The following CFAP299 variants were observed in gnomAD, a reference collection of about 807,000 sequenced individuals.
CFAP299 encodes cilia and flagella associated protein 299.
Under a neutral mutation model 27.0 loss-of-function variants are expected in CFAP299, and 21 were observed. That is an observed-to-expected ratio of 0.78 (90% confidence interval 0.55 to 1.12). The LOEUF (loss-of-function observed/expected upper bound fraction) is 1.12, where lower values mean the gene tolerates loss of function less well. CFAP299 is among the 50% of genes most tolerant of loss of function. The pLI is 0.00. For synonymous variants in CFAP299, 104 were observed against 98.1 expected (o/e 1.06, Z -0.36); for missense variants, 310 against 276.6 (o/e 1.12, Z -0.86).
chr4:80,721,494 G>A (rs143104311), intron 3 of CFAP299, among the ~76,000 whole-genome samples: 19 of 151,996 alleles, frequency 1.3e-4, no homozygotes, highest in African/African-American at 4.6e-4. Context: ...TCTTATAAGG[G>A]CACCAGTTAT....
intron 2 of CFAP299, among the ~76,000 whole-genome samples, chr4:80,379,908 A>G (rs1401267473): frequency 6.6e-6 from 1 of 152,102 alleles, no homozygotes; most frequent in Non-Finnish European, 1.5e-5. Context: ...TAAAAATAGC[A>G]ATTAAGCCAA....
intron 3 of CFAP299, among the ~76,000 whole-genome samples, chr4:80,674,315 A>C (rs11725549): frequency 0.069 from 10,508 of 152,184 alleles, 810 homozygotes; most frequent in African/African-American, 0.18. Context: ...TTCTGGGTTG[A>C]AAATTCTTTT....
At chr4:80,357,180 G>A (rs537568411) in intron 1 of CFAP299, among the ~76,000 whole-genome samples, 1 of 152,300 alleles carries the variant, frequency 6.6e-6, no homozygotes, top group African/African-American at 2.4e-5. Flanking sequence ...GCGTCCCAAG[G>A]ATGAAGCCAA....
At chr4:80,424,302 A>G (rs1327513447) in intron 2 of CFAP299, among the ~76,000 whole-genome samples, 2 of 152,224 alleles carry the variant, frequency 1.3e-5, no homozygotes, top group Non-Finnish European at 2.9e-5. Context: ...CATTCTAGGA[A>G]TGGAGTGATT....
At chr4:80,894,413 G>C (rs1734509245) in intron 4 of CFAP299, among the ~76,000 whole-genome samples, 1 of 151,956 alleles carries the variant, frequency 6.6e-6, no homozygotes, top group Admixed American at 6.6e-5. Flanking sequence ...TAATTTGTGT[G>C]TTTATTTTAT....
chr4:80,785,773 A>AT (rs933837970), intron 3 of CFAP299, among the ~76,000 whole-genome samples: 1 of 152,020 alleles, frequency 6.6e-6, no homozygotes, highest in Non-Finnish European at 1.5e-5. Context: ...CTGAATGGAT[A>AT]TTTTTTTCCC....
At chr4:80,918,210 A>G (rs1735857264) in intron 4 of CFAP299, among the ~76,000 whole-genome samples, 1 of 152,280 alleles carries the variant, frequency 6.6e-6, no homozygotes, top group South Asian at 2.1e-4. Context: ...GATTCAGTGG[A>G]TTTCACAACA....
intron 3 of CFAP299, among the ~76,000 whole-genome samples, chr4:80,744,933 C>T (rs1257404579): frequency 6.6e-6 from 1 of 152,072 alleles, no homozygotes. Flanking sequence ...GTACAAGGTC[C>T]ATACTCATGT....
At chr4:80,594,661 A>T (rs1248440876) in intron 3 of CFAP299, among the ~76,000 whole-genome samples, 1 of 151,940 alleles carries the variant, frequency 6.6e-6, no homozygotes, top group Non-Finnish European at 1.5e-5. Context: ...AGAAAACTAG[A>T]ACTGTTGTTT....
intron 2 of CFAP299, among the ~76,000 whole-genome samples, chr4:80,568,733 T>A (rs1735436785): frequency 6.6e-6 from 1 of 152,050 alleles, no homozygotes; most frequent in Non-Finnish European, 1.5e-5. Flanking sequence ...AAGGAGATGA[T>A]TTATGGAGCA....
chr4:80,871,360 AT>A, intron 4 of CFAP299: 1 of 985,282 alleles, frequency 1.0e-6, no homozygotes, highest in Non-Finnish European at 1.2e-6. Flanking sequence ...CGATCCACAC[AT>A]TTTTTTCACT....
chr4:80,459,109 C>A (rs1409874120), intron 2 of CFAP299, among the ~76,000 whole-genome samples: 2 of 152,202 alleles, frequency 1.3e-5, no homozygotes, highest in Non-Finnish European at 1.5e-5. Context: ...GCCTCCCTAA[C>A]AGTTAGGACT....
upstream of CFAP299, among the ~76,000 whole-genome samples, chr4:80,333,444 C>T (rs1450544080): frequency 6.6e-6 from 1 of 152,096 alleles, no homozygotes; most frequent in Non-Finnish European, 1.5e-5. Context: ...ATTAATAGAA[C>T]GTCTTAATAG....
intron 1 of CFAP299, among the ~76,000 whole-genome samples, chr4:80,353,038 A>G (rs150698191): frequency 0.021 from 3,247 of 152,296 alleles, 69 homozygotes; most frequent in Admixed American, 0.069. Flanking sequence ...AGTCCAAGCA[A>G]GTAGACAGAA....
intron 2 of CFAP299, among the ~76,000 whole-genome samples, chr4:80,460,268 G>C (rs1042801439): frequency 1.3e-5 from 2 of 152,104 alleles, no homozygotes; most frequent in African/African-American, 4.8e-5. Flanking sequence ...GGGGTAGGGG[G>C]AGCCGGTGTG....
intron 2 of CFAP299, among the ~76,000 whole-genome samples, chr4:80,535,905 T>G (rs1455667275): frequency 6.6e-6 from 1 of 152,170 alleles, no homozygotes; most frequent in Non-Finnish European, 1.5e-5. Flanking sequence ...AAAACTATAT[T>G]TTGTAGAAAA....
intron 2 of CFAP299, among the ~76,000 whole-genome samples, chr4:80,522,718 T>C (rs1732982913): frequency 6.6e-6 from 1 of 152,174 alleles, no homozygotes; most frequent in South Asian, 2.1e-4. Flanking sequence ...TGCATGTGAA[T>C]GTCCAGTTTT....
chr4:80,940,389 T>C (rs1449629462), intron 4 of CFAP299, among the ~76,000 whole-genome samples: 4 of 152,226 alleles, frequency 2.6e-5, no homozygotes, highest in Non-Finnish European at 5.9e-5. Flanking sequence ...TTTTCCCCTA[T>C]GGGAGAAATC....
intron 3 of CFAP299, among the ~76,000 whole-genome samples, chr4:80,696,037 C>G (rs1421923337): frequency 6.6e-6 from 1 of 152,014 alleles, no homozygotes; most frequent in Non-Finnish European, 1.5e-5. Context: ...TGTGGTGGCT[C>G]ACACCTGTAA....
Sources: allele counts gnomAD v4.1 joint callset (sites outside exome capture counted in the v4.1 genomes callset), GRCh38; gene constraint gnomAD v4.1.1; transcripts MANE v1.5; gene names NCBI Gene and HGNC (gene_info 2026-07-23, HGNC 2026-07-21).